The following RNF121 variants were observed in gnomAD, a reference collection of about 807,000 sequenced individuals.
RNF121 encodes ring finger protein 121.
Under a neutral mutation model 46.5 loss-of-function variants are expected in RNF121, and 21 were observed. The ratio of observed to expected loss-of-function variants is 0.45; its 90% CI spans 0.32 to 0.65. The LOEUF is 0.65. Among genes scored for constraint, RNF121 ranks in the 30% least tolerant of loss-of-function variants. RNF121 has a pLI of 0.04. For synonymous variants in RNF121, 139 were observed against 144.7 expected, an observed-to-expected ratio of 0.96 and a Z score of 0.28; for missense variants, 346 against 416.0, an observed-to-expected ratio of 0.83 and a Z score of 1.46.
At chr11:71,961,989 A>G (rs1954145236) in intron 3 of RNF121, among the ~76,000 whole-genome samples, 2 of 126,812 alleles carry the variant, frequency 1.6e-5, no homozygotes, top group Non-Finnish European at 3.2e-5. Context: ...TTTTTTTGAG[A>G]CAGAGTCTCG....
At chr11:71,986,328 T>C (rs568295249) in intron 4 of RNF121, among the ~76,000 whole-genome samples, 25 of 152,332 alleles carry the variant, frequency 1.6e-4, no homozygotes, top group African/African-American at 5.8e-4. Flanking sequence ...TAGCCTTCCC[T>C]GCCTGTTAAT....
At chr11:71,984,231 A>T (rs1204481522) in intron 4 of RNF121, among the ~76,000 whole-genome samples, 2 of 152,284 alleles carry the variant, frequency 1.3e-5, no homozygotes, top group Non-Finnish European at 2.9e-5. Context: ...TTCTGGCTAA[A>T]ATAATTGAAA....
At chr11:71,995,238 C>T (rs1590819382) in intron 7 of RNF121, 1 of 594,552 alleles carries the variant, frequency 1.7e-6, no homozygotes, top group Non-Finnish European at 3.0e-6. Flanking sequence ...TTGGGAAAGC[C>T]ATGTATTGTC....
intron 1 of RNF121, among the ~76,000 whole-genome samples, chr11:71,956,189 T>C (rs941170780): frequency 2.6e-5 from 4 of 152,208 alleles, no homozygotes; most frequent in Non-Finnish European, 5.9e-5. Flanking sequence ...TCTTAAGTAC[T>C]AAAGGAATGG....
chr11:71,968,955 G>A (rs1004011091), intron 3 of RNF121, among the ~76,000 whole-genome samples: 3 of 144,914 alleles, frequency 2.1e-5, no homozygotes, highest in Non-Finnish European at 4.5e-5. Flanking sequence ...GCGCGATCTC[G>A]GCTCACTGCA....
At chr11:71,951,986 A>C (rs906292127) in intron 1 of RNF121, among the ~76,000 whole-genome samples, 1 of 152,250 alleles carries the variant, frequency 6.6e-6, no homozygotes, top group African/African-American at 2.4e-5. Context: ...ACTCAAGAGA[A>C]ATGAAAACAT....
chr11:71,957,090 T>C (rs1954005228), intron 1 of RNF121, 137 bp from the exon 2 acceptor site: 1 of 740,956 alleles, frequency 1.3e-6, no homozygotes, highest in Admixed American at 1.9e-5. Flanking sequence ...ATAGAATGGT[T>C]GGTAAGGCTT....
chr11:71,980,781 A>G (rs1033816595), intron 3 of RNF121, among the ~76,000 whole-genome samples: 1 of 152,260 alleles, frequency 6.6e-6, no homozygotes, highest in Non-Finnish European at 1.5e-5. Context: ...ACTACTTGAA[A>G]TGTAGCTAGT....
intron 1 of RNF121, among the ~76,000 whole-genome samples, chr11:71,952,238 T>TC (rs1277285068): frequency 6.6e-6 from 1 of 152,194 alleles, no homozygotes; most frequent in Non-Finnish European, 1.5e-5. Flanking sequence ...ATATTTATGA[T>TC]CCCATTTATA....
chr11:71,978,731 G>A (rs1246615175), intron 3 of RNF121, among the ~76,000 whole-genome samples: 2 of 152,212 alleles, frequency 1.3e-5, no homozygotes, highest in African/African-American at 4.8e-5. Flanking sequence ...ATTAGGCACT[G>A]TTGTAAGTGC....
chr11:71,945,456 A>C (rs1029082899), intron 1 of RNF121, among the ~76,000 whole-genome samples: 2 of 152,188 alleles, frequency 1.3e-5, no homozygotes, highest in African/African-American at 2.4e-5. Context: ...TTCAAGAGAG[A>C]ATTAAGAGAG....
chr11:71,942,857 G>A (rs1565141591), intron 1 of RNF121, among the ~76,000 whole-genome samples: 1 of 151,206 alleles, frequency 6.6e-6, no homozygotes, highest in Non-Finnish European at 1.5e-5. Context: ...AGTTCTGGAG[G>A]CTGGGAAGTC....
intron 1 of RNF121, chr11:71,939,251 C>T: frequency 5.2e-6 from 1 of 193,760 alleles, no homozygotes; most frequent in South Asian, 8.8e-5. Flanking sequence ...TAAGCATGTG[C>T]AGCAAAAATT....
At chr11:71,985,905 C>T (rs1465759121) in intron 4 of RNF121, among the ~76,000 whole-genome samples, 1 of 150,088 alleles carries the variant, frequency 6.7e-6, no homozygotes, top group Non-Finnish European at 1.5e-5. Flanking sequence ...CCAGTCTGGG[C>T]AACATTGCAA....
At chr11:71,957,291 G>C (rs1373427605) in intron 2 of RNF121, 27 bp downstream of exon 2, 1 of 1,488,362 alleles carries the variant, frequency 6.7e-7, no homozygotes, top group African/African-American at 1.5e-5. Flanking sequence ...GGGCCCTGCA[G>C]TCTAGGAACT....
intron 5 of RNF121, among the ~76,000 whole-genome samples, chr11:71,989,776 T>C (rs1037298254): frequency 1.1e-4 from 17 of 152,212 alleles, no homozygotes; most frequent in African/African-American, 4.1e-4. Flanking sequence ...TTTGATGATA[T>C]GATACAGATT....
chr11:71,982,218 C>G (rs1379745628), intron 3 of RNF121, among the ~76,000 whole-genome samples: 1 of 151,716 alleles, frequency 6.6e-6, no homozygotes, highest in Non-Finnish European at 1.5e-5. Context: ...CGCCTGTAAT[C>G]CCAGCTACTT....
At chr11:71,944,493 A>T (rs1008293892) in intron 1 of RNF121, among the ~76,000 whole-genome samples, 1 of 152,196 alleles carries the variant, frequency 6.6e-6, no homozygotes, top group African/African-American at 2.4e-5. Context: ...AATGCACATA[A>T]TTTCTGGTGT....
At chr11:71,940,650 T>C (rs953046607) in intron 1 of RNF121, among the ~76,000 whole-genome samples, 2 of 152,202 alleles carry the variant, frequency 1.3e-5, no homozygotes, top group African/African-American at 2.4e-5. Context: ...AGTTCTGATA[T>C]ATGCTAGATA....
Sources: allele counts gnomAD v4.1 joint callset (sites outside exome capture counted in the v4.1 genomes callset), GRCh38; gene constraint gnomAD v4.1.1; transcripts MANE v1.5; gene names NCBI Gene and HGNC (gene_info 2026-07-23, HGNC 2026-07-21).